CCNB3: variants seen among roughly 807,000 people sequenced by gnomAD.
CCNB3 encodes G2/mitotic-specific cyclin-B3.
A neutral mutation model predicts 68.0 loss-of-function variants in CCNB3; 12 were observed. That is an observed-to-expected ratio of 0.18 (90% CI 0.11 to 0.29). The LOEUF (loss-of-function observed/expected upper bound fraction) is 0.29, where lower values mean the gene tolerates loss of function less well. Among genes scored for constraint, CCNB3 ranks in the 10% least tolerant of loss-of-function variants. The pLI, the probability that CCNB3 is intolerant of heterozygous loss-of-function variation, is 1.00. For synonymous variants in CCNB3, 354 were observed against 388.9 expected (o/e 0.91, Z 1.06); for missense variants, 904 against 993.1 (o/e 0.91, Z 1.21).
chrX:50,303,776 T>G (rs1936702586), intron 5 of CCNB3, among the ~76,000 whole-genome samples: 1 of 111,328 alleles, frequency 9.0e-6, no homozygotes. Context: ...TTTCATCCAT[T>G]TTTTGGGTTA....
Position 50,347,672 on chromosome X carries a change from G to A in CCNB3, c.3857G>A (p.Cys1286Tyr), listed in dbSNP as rs1557220570. ...MKTLTLSRYI[C>Y]EMTLQEYHYV... Reference sequence around the variant, plus strand: ...ACACTGACCTTGTCCCGCTACATCTGCGAGATGACCCTGCAGGAATACCAC... The same window carrying A: ...ACACTGACCTTGTCCCGCTACATCTACGAGATGACCCTGCAGGAATACCAC... Residue 1286 changes from cysteine to tyrosine, a missense_variant, in exon 11 of 13, where the codon TGC (cysteine) becomes TAC (tyrosine). Around this residue, in one of 2 missense-constraint regions of CCNB3, gnomAD observed 285 missense variants for 383.4 expected, o/e 0.74. Coordinates refer to ENST00000376042, the MANE Select transcript of CCNB3 (RefSeq NM_033031.3). 5 of 1,208,225 alleles carry A rather than the reference G, an allele frequency of 4.1e-6. No homozygotes were observed. The highest frequency in any genetic ancestry group is 4.5e-6 in the Non-Finnish European group (4 of 894,813).
intron 2 of CCNB3, 53 bp from the exon 3 acceptor site, chrX:50,285,074 G>T: frequency 2.9e-6 from 2 of 693,300 alleles, no homozygotes; most frequent in Non-Finnish European, 4.6e-6. Context: ...AATTTTCAGA[G>T]AATTTATCGT....
chrX:50,221,745 T>C (rs959396338), intron 1 of CCNB3, among the ~76,000 whole-genome samples: 15 of 111,863 alleles, frequency 1.3e-4, no homozygotes, highest in Middle Eastern at 4.6e-3. Context: ...ATGTATATTC[T>C]GTTGATTTGG....
rs1557220337 is a variant in CCNB3, at chrX:50,346,695, A to G, written c.3698A>G (p.Asp1233Gly). Residue 1233 changes from aspartate (D) to glycine (G), a missense_variant, in exon 10 of 13, where the codon GAT becomes GGT. Physicochemically the swap from Asp to Gly is moderately conservative, Grantham distance 94. Coordinates refer to ENST00000376042, the MANE Select transcript of CCNB3 (RefSeq NM_033031.3). Reference protein sequence around the residue: ...PRVDDFVYICDDNYQRSEVLS... With the variant: ...PRVDDFVYICGDNYQRSEVLS... ...GTGGATGACTTTGTGTACATCTGTG[A>G]TGATAATTATCAGCGATCTGAGGTA... is the stretch of plus-strand genomic sequence containing the variant. 1.7e-6 allele frequency: 2 copies of G among 1,211,303 alleles called. No homozygotes were observed. The highest frequency in any genetic ancestry group is 4.3e-5 in the Admixed American group (2 of 46,018).
intron 1 of CCNB3, among the ~76,000 whole-genome samples, chrX:50,226,432 TA>T (rs1935805042): frequency 4.0e-5 from 2 of 50,370 alleles, no homozygotes; most frequent in Non-Finnish European, 3.4e-5. Flanking sequence ...GTAGAATATA[TA>T]AAAATATATA....
chrX:50,308,934 T>C lies in CCNB3; in HGVS notation c.765T>C (p.Asn255=), dbSNP rs782063280. The C allele has an allele frequency of 1.7e-4, 205 of 1,209,472 alleles. 1 individual carries two copies. The Admixed American group carries it at 4.4e-3, about 26-fold the overall frequency. ...QEESLAVQDV[N]MEEDSFFMES... ...AGTCGTTGGCTGTGCAGGATGTCAATATGGAAGAGGATTCCTTCTTTATGG... is the reference window on the plus strand; with the variant it reads ...AGTCGTTGGCTGTGCAGGATGTCAACATGGAAGAGGATTCCTTCTTTATGG... The change falls in exon 6 of 13, where the codon AAT becomes AAC. Residue 255 remains asparagine (N), a synonymous_variant. Coordinates refer to ENST00000376042, the MANE Select transcript of CCNB3 (RefSeq NM_033031.3).
intron 3 of CCNB3, among the ~76,000 whole-genome samples, chrX:50,287,716 A>C (rs557881932): frequency 4.5e-5 from 5 of 111,011 alleles, no homozygotes; most frequent in Middle Eastern, 4.6e-3. Context: ...ATGGAGCAGT[A>C]TCTAGATGTG....
intron 1 of CCNB3, among the ~76,000 whole-genome samples, chrX:50,281,150 G>A (rs1405996354): frequency 2.7e-5 from 3 of 111,056 alleles, no homozygotes; most frequent in African/African-American, 6.5e-5. Context: ...ACCCTACTGC[G>A]AGGTCCTTCA....
chrX:50,304,894 A>G (rs781988034), intron 5 of CCNB3, among the ~76,000 whole-genome samples: 2 of 112,501 alleles, frequency 1.8e-5, no homozygotes, highest in East Asian at 2.8e-4. Flanking sequence ...GCCAAAAGAC[A>G]CATGAAAAAA....
intron 1 of CCNB3, among the ~76,000 whole-genome samples, chrX:50,280,998 C>T: frequency 9.1e-6 from 1 of 110,183 alleles, no homozygotes; most frequent in East Asian, 2.9e-4. Context: ...TGTCCTCAAG[C>T]GATCCGCCCC....
chrX:50,214,086 T>C lies in CCNB3; in HGVS notation c.-113+9136T>C, dbSNP rs1935524133. ...AACACTTAACATGATATCTACCCTC[T>C]TAACAAATTTTGAAGTGCCCAATGC... On this transcript the variant is annotated intron_variant, in intron 1 of 12. Coordinates refer to ENST00000376042, the MANE Select transcript of CCNB3 (RefSeq NM_033031.3). 4.5e-5 allele frequency among the ~76,000 whole-genome samples: 5 copies of C among 110,898 alleles called. No individual in the cohort carries two copies. In the South Asian group the frequency reaches 1.9e-3, roughly 43 times the overall value.
intron 1 of CCNB3, among the ~76,000 whole-genome samples, chrX:50,228,250 A>AATACATACATAGAATATATATAAATAC (rs1386436560): frequency 1.1e-5 from 1 of 89,261 alleles, no homozygotes; most frequent in African/African-American, 4.0e-5. Flanking sequence ...AATATATATA[A>AATACATACATAGAATATATATAAATAC]ATACATAGAA....
At chrX:50,280,517 G>T (rs1936119594) in intron 1 of CCNB3, among the ~76,000 whole-genome samples, 1 of 108,832 alleles carries the variant, frequency 9.2e-6, no homozygotes, top group African/African-American at 3.3e-5. Context: ...TTTTATAGTA[G>T]GTAGCACGTT....
chrX:50,287,555 C>G (rs1406128146), intron 3 of CCNB3, among the ~76,000 whole-genome samples: 1 of 112,112 alleles, frequency 8.9e-6, no homozygotes, highest in Non-Finnish European at 1.9e-5. Flanking sequence ...AGTTATCCAG[C>G]TTTACTGATA....
In CCNB3 at chrX:50,351,335, A is replaced by G. The variant is rs781852969; in HGVS notation, c.4055A>G (p.Asp1352Gly). The change falls in exon 12 of 13, where the codon GAT becomes GGT. Residue 1352 changes from aspartate to glycine, a missense_variant. By Grantham distance (94) the Asp-to-Gly change is moderately conservative. Transcript: ENST00000376042. ...LNKLLTFSSY[D>G]SLKAVYYKYS... ...AAACTGCTGACTTTCAGTTCTTACG[A>G]TAGTCTCAAGGCTGTGTATTACAAG... The G allele has an allele frequency of 4.1e-6, 5 of 1,209,648 alleles. No individual in the cohort carries two copies. The highest frequency in any genetic ancestry group is 1.8e-5 in the South Asian group (1 of 56,788).
intron 11 of CCNB3, among the ~76,000 whole-genome samples, chrX:50,348,666 G>A (rs1287161543): frequency 8.9e-6 from 1 of 112,827 alleles, no homozygotes; most frequent in African/African-American, 3.2e-5. Flanking sequence ...AGCACTTTGT[G>A]TATTAACTCA....
chrX:50,226,199 AG>A (rs1376105760), intron 1 of CCNB3, among the ~76,000 whole-genome samples: 1 of 66,903 alleles, frequency 1.5e-5, no homozygotes, highest in Non-Finnish European at 2.4e-5. Context: ...AAATATATAT[AG>A]AATATATATA....
Position 50,309,409 on chromosome X carries a change from A to C in CCNB3, c.1240A>C (p.Ile414Leu). ...GATCACCTCTGGAGAGAAGTCGCTC[A>C]TTATGAAGCCATTGTCCATTAAAGA... ...QEITSGEKSL[I>L]MKPLSIKEKP... The change falls in exon 6 of 13, where the codon ATT (isoleucine) becomes CTT (leucine). Residue 414 changes from isoleucine (I) to leucine (L), a missense_variant. Transcript: ENST00000376042. 1 of 1,211,797 alleles carries C rather than the reference A, an allele frequency of 8.3e-7. No homozygotes were observed. The highest frequency in any genetic ancestry group is 1.1e-6 in the Non-Finnish European group (1 of 895,498).
intron 1 of CCNB3, among the ~76,000 whole-genome samples, chrX:50,208,613 T>C (rs1935416550): frequency 8.9e-6 from 1 of 112,368 alleles, no homozygotes; most frequent in Non-Finnish European, 1.9e-5. Flanking sequence ...ATATGTTAAA[T>C]AATACTTTTA....
Sources: allele counts gnomAD v4.1 joint callset (sites outside exome capture counted in the v4.1 genomes callset), GRCh38; gene constraint gnomAD v4.1.1; regional missense constraint gnomAD v4.1.1; transcripts MANE v1.5; gene names NCBI Gene and HGNC (gene_info 2026-07-23, HGNC 2026-07-21).